The following DYRK1A variants were observed in gnomAD, a reference collection of about 807,000 sequenced individuals.
The protein encoded by DYRK1A is dual specificity tyrosine-phosphorylation-regulated kinase 1A.
Under a neutral mutation model 79.7 loss-of-function variants are expected in DYRK1A, and 9 were observed. That is an observed-to-expected ratio of 0.11 (90% CI 0.07 to 0.20). DYRK1A has a LOEUF of 0.20. DYRK1A is among the 10% of genes least tolerant of loss of function. The probability of loss-of-function intolerance (pLI) is 1.00; values close to 1 mark genes in which losing one functional copy is unlikely to be tolerated. For synonymous variants in DYRK1A, 349 were observed against 329.7 expected, an observed-to-expected ratio of 1.06 and a Z score of -0.63; for missense variants, 622 against 956.0, an observed-to-expected ratio of 0.65 and a Z score of 4.61.
At chr21:37,505,022 C>A in intron 9 of DYRK1A, 1 of 366,742 alleles carries the variant, frequency 2.7e-6, no homozygotes. Context: ...TGTAGAAAAC[C>A]AGGCTCTGGA....
chr21:37,490,841 A>G (rs1354367629), intron 7 of DYRK1A, among the ~76,000 whole-genome samples: 1 of 152,072 alleles, frequency 6.6e-6, no homozygotes, highest in African/African-American at 2.4e-5. Flanking sequence ...GGGAGAGAAT[A>G]GGAGATGGAA....
intron 2 of DYRK1A, among the ~76,000 whole-genome samples, chr21:37,468,789 T>C (rs1402730532): frequency 6.6e-6 from 1 of 152,184 alleles, no homozygotes; most frequent in Non-Finnish European, 1.5e-5. Flanking sequence ...GACTTTGATA[T>C]AAGGAAAAAT....
At chr21:37,506,073 T>C in intron 10 of DYRK1A, 26 bp from the exon 11 acceptor site, 3 of 1,597,372 alleles carry the variant, frequency 1.9e-6, no homozygotes, top group Non-Finnish European at 2.6e-6. Flanking sequence ...CTCACAGTTG[T>C]ATTGTTTTGT....
chr21:37,366,384 C>G (rs931508413), upstream of DYRK1A, among the ~76,000 whole-genome samples: 2 of 145,236 alleles, frequency 1.4e-5, no homozygotes, highest in Non-Finnish European at 3.1e-5. Context: ...CGCGCGCGCT[C>G]CCCGGGCCGC....
intron 2 of DYRK1A, among the ~76,000 whole-genome samples, chr21:37,463,509 C>T (rs4817864): frequency 0.44 from 67,078 of 151,974 alleles, 15,620 homozygotes; most frequent in East Asian, 0.57. Context: ...TTCAAGAACC[C>T]CTCATTTAAA....
At chr21:37,417,069 T>C (rs2050355935) in intron 1 of DYRK1A, among the ~76,000 whole-genome samples, 1 of 152,184 alleles carries the variant, frequency 6.6e-6, no homozygotes, top group African/African-American at 2.4e-5. Flanking sequence ...ACTGTCACAT[T>C]AGAGAACATA....
intron 2 of DYRK1A, among the ~76,000 whole-genome samples, chr21:37,471,371 T>C (rs537818397): frequency 3.9e-5 from 6 of 152,326 alleles, no homozygotes; most frequent in South Asian, 2.1e-4. Flanking sequence ...GTGGAACTTA[T>C]GTTTGGGGAG....
At chr21:37,404,705 A>G (rs1356777039) in intron 1 of DYRK1A, among the ~76,000 whole-genome samples, 2 of 152,284 alleles carry the variant, frequency 1.3e-5, no homozygotes, top group East Asian at 3.9e-4. Flanking sequence ...CCATTTGTTG[A>G]TTGTCAGAAA....
chr21:37,456,449 C>T (rs1231733248), intron 2 of DYRK1A: 1 of 152,220 alleles, frequency 6.6e-6, no homozygotes, highest in Non-Finnish European at 1.5e-5. Flanking sequence ...ATTCCTCTGT[C>T]TTTTGGCCCA....
Position 37,511,961 on chromosome 21 carries a change from T to TG in DYRK1A, c.1695_1696insG (p.Thr566AspfsTer6). ...TTGGTTGGTCAGGCACTGAAGCTCC[T>TG]ACACAGGTCACTGTTGAAACTCATC... On this transcript the variant is annotated frameshift_variant, in exon 12 of 12. Transcript: ENST00000647188. LOFTEE classifies it high-confidence loss of function. The TG allele has an allele frequency of 6.2e-7, 1 of 1,614,210 alleles. No individual in the cohort carries two copies. The highest frequency in any genetic ancestry group is 8.5e-7 in the Non-Finnish European group (1 of 1,180,020).
chr21:37,460,591 T>C (rs2051807661), intron 2 of DYRK1A, among the ~76,000 whole-genome samples: 1 of 152,248 alleles, frequency 6.6e-6, no homozygotes, highest in Non-Finnish European at 1.5e-5. Flanking sequence ...TGTCTTTGTT[T>C]ACCTGTCTTT....
At chr21:37,413,110 G>A (rs1457571350) in intron 1 of DYRK1A, among the ~76,000 whole-genome samples, 1 of 152,084 alleles carries the variant, frequency 6.6e-6, no homozygotes, top group African/African-American at 2.4e-5. Flanking sequence ...ATTTTTAAGG[G>A]GGTAGCATTT....
intron 3 of DYRK1A, among the ~76,000 whole-genome samples, chr21:37,477,958 C>T (rs2052459960): frequency 6.6e-6 from 1 of 152,102 alleles, no homozygotes; most frequent in African/African-American, 2.4e-5. Flanking sequence ...TTAAATTTGG[C>T]GGAATAGGAT....
intron 2 of DYRK1A, among the ~76,000 whole-genome samples, chr21:37,429,196 T>C (rs2050708747): frequency 6.6e-6 from 1 of 152,172 alleles, no homozygotes; most frequent in South Asian, 2.1e-4. Flanking sequence ...TTAACGCAAA[T>C]CCAGGTCTGC....
chr21:37,444,811 G>A (rs1472545669), intron 2 of DYRK1A, among the ~76,000 whole-genome samples: 3 of 152,136 alleles, frequency 2.0e-5, no homozygotes, highest in Non-Finnish European at 4.4e-5. Flanking sequence ...GTTGAATGGT[G>A]GAGTGGTAGA....
chr21:37,433,327 AG>A, intron 2 of DYRK1A, among the ~76,000 whole-genome samples: 1 of 152,112 alleles, frequency 6.6e-6, no homozygotes, highest in Admixed American at 6.6e-5. Flanking sequence ...CCTTTCAAGA[AG>A]GGGAAAGTTT....
At chr21:37,398,076 A>T (rs866634240) in intron 1 of DYRK1A, among the ~76,000 whole-genome samples, 6,793 of 145,710 alleles carry the variant, frequency 0.047, 257 homozygotes, top group African/African-American at 0.11. Flanking sequence ...TTAAAAAAAA[A>T]ATATATATAT....
At chr21:37,497,596 G>C (rs1249725394) in intron 9 of DYRK1A, among the ~76,000 whole-genome samples, 5 of 152,170 alleles carry the variant, frequency 3.3e-5, no homozygotes, top group South Asian at 2.1e-4. Flanking sequence ...GTCTCTCTCT[G>C]TGATACAGGC....
At chr21:37,395,867 T>C (rs1277841705) in intron 1 of DYRK1A, among the ~76,000 whole-genome samples, 5 of 152,240 alleles carry the variant, frequency 3.3e-5, no homozygotes, top group Non-Finnish European at 7.3e-5. Flanking sequence ...TAGACTCTGT[T>C]CTGGGATTTG....
Sources: allele counts gnomAD v4.1 joint callset (sites outside exome capture counted in the v4.1 genomes callset), GRCh38; gene constraint gnomAD v4.1.1; transcripts MANE v1.5; gene names NCBI Gene and HGNC (gene_info 2026-07-23, HGNC 2026-07-21).